ZC2HC1B: variants seen among roughly 807,000 people sequenced by gnomAD.
ZC2HC1B encodes zinc finger C2HC-type containing 1B, also known as zinc finger C2HC domain-containing protein 1B.
Under a neutral mutation model 31.0 loss-of-function variants are expected in ZC2HC1B, and 36 were observed. That is an observed-to-expected ratio of 1.16 (90% CI 0.89 to 1.54). The LOEUF is 1.54. Among genes scored for constraint, ZC2HC1B ranks in the 40% most tolerant of loss-of-function variants. The probability of loss-of-function intolerance (pLI) is 0.00; values close to 1 mark genes in which losing one functional copy is unlikely to be tolerated. For synonymous variants in ZC2HC1B, 73 were observed against 88.0 expected (o/e 0.83, Z 0.95); for missense variants, 260 against 268.6 (o/e 0.97, Z 0.22).
At position 143,913,625 on chromosome 6, in the gene ZC2HC1B, A is replaced by G. The variant is rs1777885741; in HGVS notation, c.598+10473A>G. Among the ~76,000 whole-genome samples the G allele has an allele frequency of 6.6e-6, 1 of 152,202 alleles. No individual in the cohort carries two copies. Among genetic ancestry groups the G allele is most frequent in the Non-Finnish European group, 1.5e-5 (1 of 68,028 alleles). On this transcript the variant is annotated intron_variant, in intron 6 of 7. Coordinates refer to ENST00000237275, the MANE Select transcript of ZC2HC1B (RefSeq NM_001013623.3). This position sits in a 1 kb window ranked among gnomAD's most constrained non-coding sequence, Gnocchi z 5.7. Reference sequence around the variant, plus strand: ...CCTGGGTTTCTGTGTGTGCCTGAGCAGTTGCTCTGCCAAGACTCTACCCAG... The same window carrying G: ...CCTGGGTTTCTGTGTGTGCCTGAGCGGTTGCTCTGCCAAGACTCTACCCAG...
chr6:143,895,326 C>A lies in ZC2HC1B; in HGVS notation c.350-3226C>A. The stretch of plus-strand genomic sequence containing the variant: ...TACAGGCGCCCGCCACCACGCCCAG[C>A]TGATTTCTGTATTTTTAGTAGAGAT... On this transcript the variant is annotated intron_variant, in intron 4 of 7. Transcript: ENST00000237275. This position sits in a 1 kb window ranked among gnomAD's most constrained non-coding sequence, Gnocchi z 4.8. Among the ~76,000 whole-genome samples the A allele has an allele frequency of 6.6e-6, 1 of 152,090 alleles. No homozygotes were observed. The highest frequency in any genetic ancestry group is 6.6e-5 in the Admixed American group (1 of 15,258).
At chr6:143,909,694 C>CATAGGGTTGTTT (rs913979805) in intron 6 of ZC2HC1B, among the ~76,000 whole-genome samples, 2 of 152,000 alleles carry the variant, frequency 1.3e-5, no homozygotes, top group Admixed American at 1.3e-4. Flanking sequence ...AGTGTATGTG[C>CATAGGGTTGTTT]ATAGGGTTGT....
intron 4 of ZC2HC1B, among the ~76,000 whole-genome samples, chr6:143,892,921 G>A (rs187963516): frequency 1.3e-4 from 19 of 150,912 alleles, no homozygotes; most frequent in African/African-American, 4.4e-4. Context: ...AAGGAAATTA[G>A]TAAATTGAGC....
intron 6 of ZC2HC1B, among the ~76,000 whole-genome samples, chr6:143,931,165 T>A (rs1463310506): frequency 6.6e-6 from 1 of 152,244 alleles, no homozygotes; most frequent in Non-Finnish European, 1.5e-5. Flanking sequence ...AATATCTTTT[T>A]CCACTCCTTT....
At chr6:143,892,577 C>T (rs1490331563) in intron 4 of ZC2HC1B, among the ~76,000 whole-genome samples, 1 of 152,054 alleles carries the variant, frequency 6.6e-6, no homozygotes, top group African/African-American at 2.4e-5. Flanking sequence ...GGATTACAGG[C>T]GTGAGCCACT....
chr6:143,906,463 A>T (rs1233873601), intron 6 of ZC2HC1B, among the ~76,000 whole-genome samples: 1 of 150,108 alleles, frequency 6.7e-6, no homozygotes, highest in Non-Finnish European at 1.5e-5. Flanking sequence ...TTTTGTTTTG[A>T]GAGAGAGCCT....
intron 4 of ZC2HC1B, among the ~76,000 whole-genome samples, chr6:143,892,433 C>T (rs1777611644): frequency 6.6e-6 from 1 of 151,618 alleles, no homozygotes; most frequent in African/African-American, 2.4e-5. Flanking sequence ...GTAGCTGGGA[C>T]CACAGATGTA....
chr6:143,925,738 C>A (rs955435064), intron 6 of ZC2HC1B, among the ~76,000 whole-genome samples: 1 of 151,750 alleles, frequency 6.6e-6, no homozygotes, highest in Non-Finnish European at 1.5e-5. Context: ...GGGGTTTCTC[C>A]ATGTTGGTCA....
At chr6:143,893,214 T>C (rs1777620585) in intron 4 of ZC2HC1B, among the ~76,000 whole-genome samples, 1 of 152,186 alleles carries the variant, frequency 6.6e-6, no homozygotes, top group Non-Finnish European at 1.5e-5. Flanking sequence ...AACATCATTT[T>C]CATTAGGAAA....
At chr6:143,880,001 T>G (rs1179171633) in intron 1 of ZC2HC1B, among the ~76,000 whole-genome samples, 3 of 151,986 alleles carry the variant, frequency 2.0e-5, no homozygotes, top group Non-Finnish European at 4.4e-5. Flanking sequence ...ATTTTTAAAA[T>G]TTTTTGTAGA....
intron 4 of ZC2HC1B, among the ~76,000 whole-genome samples, chr6:143,894,500 G>A (rs893915720): frequency 2.6e-5 from 4 of 152,084 alleles, no homozygotes; most frequent in African/African-American, 9.7e-5. Context: ...ATTTAAGAAA[G>A]TGCAAAAACA....
chr6:143,916,093 G>T (rs1363579478), intron 6 of ZC2HC1B, among the ~76,000 whole-genome samples: 2 of 152,134 alleles, frequency 1.3e-5, no homozygotes, highest in Non-Finnish European at 2.9e-5. Flanking sequence ...TGGTTTTGTG[G>T]GCCAAGCCCA....
chr6:143,878,790 A>G (rs908198862), intron 1 of ZC2HC1B, among the ~76,000 whole-genome samples: 2 of 152,218 alleles, frequency 1.3e-5, no homozygotes, highest in Admixed American at 6.5e-5. Flanking sequence ...TTGCTAATTC[A>G]GTGCTCACAG....
At position 143,915,021 on chromosome 6, in the gene ZC2HC1B, A is replaced by G. The variant is rs1451952191; in HGVS notation, c.598+11869A>G. ...TTACTGATAAGGAGAGACATTTGTCATTCTGGTATATGTTTTCTATATGCC... is the reference window on the plus strand; with the variant it reads ...TTACTGATAAGGAGAGACATTTGTCGTTCTGGTATATGTTTTCTATATGCC... On this transcript the variant is annotated intron_variant, in intron 6 of 7. Coordinates refer to ENST00000237275, the MANE Select transcript of ZC2HC1B (RefSeq NM_001013623.3). This position sits in a 1 kb window ranked among gnomAD's most constrained non-coding sequence, Gnocchi z 5.2. Among the ~76,000 whole-genome samples the G allele has an allele frequency of 1.3e-5, 2 of 152,162 alleles. No individual in the cohort carries two copies. The highest frequency in any genetic ancestry group is 2.9e-5 in the Non-Finnish European group (2 of 68,020).
At chr6:143,927,405 T>A (rs1778065591) in intron 6 of ZC2HC1B, among the ~76,000 whole-genome samples, 1 of 152,176 alleles carries the variant, frequency 6.6e-6, no homozygotes, top group Non-Finnish European at 1.5e-5. Flanking sequence ...CATGCAGTAT[T>A]TTGCTTTCTG....
At chr6:143,901,926 T>G (rs1777743077) in intron 5 of ZC2HC1B, among the ~76,000 whole-genome samples, 1 of 152,194 alleles carries the variant, frequency 6.6e-6, no homozygotes, top group Admixed American at 6.5e-5. Flanking sequence ...CTGCAGATGG[T>G]TCTTCTTACT....
chr6:143,877,975 T>C lies in ZC2HC1B; in HGVS notation c.29-6329T>C, dbSNP rs956201800. On this transcript the variant is annotated intron_variant, in intron 1 of 7. Transcript: ENST00000237275. ...TATCACTATTCATGAAATTAATCACTAGATTGTATATATGTACCTGTATAC... is the reference window on the plus strand; with the variant it reads ...TATCACTATTCATGAAATTAATCACCAGATTGTATATATGTACCTGTATAC... 1.5e-4 allele frequency among the ~76,000 whole-genome samples: 23 copies of C among 150,958 alleles called. 1 individual carries two copies. Among genetic ancestry groups the C allele is most frequent in the African/African-American group, 5.1e-4 (21 of 41,030 alleles).
Position 143,885,957 on chromosome 6 carries a change from C to A in ZC2HC1B, c.91-75C>A. On this transcript the variant is annotated intron_variant, in intron 2 of 7. Transcript: ENST00000237275. The surrounding 1 kb of genome is among the most constrained non-coding windows in gnomAD (Gnocchi z 4.2). ...GCAAACATAGTCCCTGGAGTGGGGG[C>A]TGTCTAGGTACACCTAGGCATTAAA... is the stretch of plus-strand genomic sequence containing the variant. The A allele has an allele frequency of 7.2e-7, 1 of 1,393,084 alleles. No individual in the cohort carries two copies. The highest frequency in any genetic ancestry group is 9.4e-7 in the Non-Finnish European group (1 of 1,065,202). The allele number at this position is 1,393,084 out of a possible 1,614,324, so 86.3% of individuals were successfully genotyped here. A position where few individuals can be genotyped will look rare whatever the true frequency, so the allele number is the denominator to read the frequency against.
At chr6:143,926,283 T>G (rs12663584) in intron 6 of ZC2HC1B, among the ~76,000 whole-genome samples, 19,179 of 152,220 alleles carry the variant, frequency 0.13, 1,823 homozygotes, top group East Asian at 0.46. Context: ...TCTTAGCACT[T>G]CTTTTGCTAC....
Sources: allele counts gnomAD v4.1 joint callset (sites outside exome capture counted in the v4.1 genomes callset), GRCh38; gene constraint gnomAD v4.1.1; non-coding constraint Gnocchi (gnomAD v3.1); transcripts MANE v1.5; gene names NCBI Gene and HGNC (gene_info 2026-07-23, HGNC 2026-07-21).